Variants in PTPRD observed in about 807,000 individuals in gnomAD.
PTPRD encodes receptor-type tyrosine-protein phosphatase delta.
Under a neutral mutation model 214.5 loss-of-function variants are expected in PTPRD, and 34 were observed. That is an observed-to-expected ratio of 0.16 (90% CI 0.12 to 0.21). PTPRD has a LOEUF of 0.21. Ranked by LOEUF, PTPRD falls within the 10% of genes least tolerant of loss-of-function variation. The probability of loss-of-function intolerance (pLI) is 1.00; values close to 1 mark genes in which losing one functional copy is unlikely to be tolerated. For missense variants in PTPRD, 2,545 were observed against 2,398.7 expected, an observed-to-expected ratio of 1.06 and a Z score of -1.27; for synonymous variants, 1,128 against 845.7, an observed-to-expected ratio of 1.33 and a Z score of -5.79.
intron 7 of PTPRD, among the ~76,000 whole-genome samples, chr9:9,640,166 A>T (rs1445506920): frequency 6.6e-6 from 1 of 152,172 alleles, no homozygotes; most frequent in Non-Finnish European, 1.5e-5. Context: ...GGGCAAAATA[A>T]ATCAGAGTAC....
chr9:9,336,687 A>G (rs1229194639), intron 9 of PTPRD, among the ~76,000 whole-genome samples: 5 of 152,196 alleles, frequency 3.3e-5, no homozygotes, highest in African/African-American at 1.2e-4. Flanking sequence ...AATGATAAAT[A>G]TCTATGAGAT....
At chr9:8,337,525 C>T (rs1426406088) in intron 43 of PTPRD, among the ~76,000 whole-genome samples, 4 of 152,040 alleles carry the variant, frequency 2.6e-5, no homozygotes, top group Non-Finnish European at 5.9e-5. Flanking sequence ...TTGCACCAAA[C>T]CACCGTGGCA....
intron 39 of PTPRD, among the ~76,000 whole-genome samples, chr9:8,362,867 A>G (rs1439240503): frequency 6.6e-6 from 1 of 152,176 alleles, no homozygotes; most frequent in Non-Finnish European, 1.5e-5. Context: ...ACATTTCTAC[A>G]ATTATCATTT....
Position 9,925,996 on chromosome 9 carries a change from T to C in PTPRD, c.-368+12511A>G, listed in dbSNP as rs117464269. On this transcript the variant is annotated intron_variant, in intron 5 of 45. Coordinates refer to ENST00000381196, the MANE Select transcript of PTPRD (RefSeq NM_002839.4). ...GATGTACAGCACCATGCCTAGAAAA[T>C]TTTTTTTAAGTTTTTGTAGAAATGG... Among the ~76,000 whole-genome samples the C allele has an allele frequency of 6.6e-5, 10 of 151,484 alleles. No individual in the cohort carries two copies. The East Asian group carries it at 1.7e-3, about 26-fold the overall frequency.
intron 2 of PTPRD, among the ~76,000 whole-genome samples, chr9:10,417,950 G>A (rs1160680524): frequency 6.6e-6 from 1 of 150,846 alleles, no homozygotes; most frequent in East Asian, 2.0e-4. Flanking sequence ...TTTACACTGT[G>A]AATATATCAT....
intron 3 of PTPRD, among the ~76,000 whole-genome samples, chr9:10,142,935 C>T (rs1256978854): frequency 6.6e-6 from 1 of 151,392 alleles, no homozygotes; most frequent in African/African-American, 2.4e-5. Flanking sequence ...CCATGGAATA[C>T]TATGCAGCCA....
intron 12 of PTPRD, among the ~76,000 whole-genome samples, chr9:8,659,550 T>C (rs907306875): frequency 6.6e-6 from 1 of 152,224 alleles, no homozygotes; most frequent in Non-Finnish European, 1.5e-5. Context: ...CACTTCTAAC[T>C]TATTTTACAC....
chr9:10,554,053 T>C (rs1356492378), intron 2 of PTPRD, among the ~76,000 whole-genome samples: 1 of 152,182 alleles, frequency 6.6e-6, no homozygotes, highest in African/African-American at 2.4e-5. Flanking sequence ...TACAAGAACA[T>C]CACAAAGTTA....
At chr9:8,788,714 A>C (rs946175643) in intron 11 of PTPRD, among the ~76,000 whole-genome samples, 2 of 152,230 alleles carry the variant, frequency 1.3e-5, no homozygotes, top group Non-Finnish European at 2.9e-5. Flanking sequence ...TTTCAAGTGC[A>C]AAATCAAATT....
chr9:9,644,145 A>G (rs957762644), intron 7 of PTPRD, among the ~76,000 whole-genome samples: 1 of 152,200 alleles, frequency 6.6e-6, no homozygotes, highest in East Asian at 1.9e-4. Flanking sequence ...TTATTCATAA[A>G]AATGTTTATA....
chr9:10,085,063 T>C (rs1001106397), intron 3 of PTPRD, among the ~76,000 whole-genome samples: 17 of 152,074 alleles, frequency 1.1e-4, no homozygotes, highest in Non-Finnish European at 1.5e-4. Context: ...TATGGTGGGC[T>C]GGTACATGAA....
chr9:9,597,003 G>GT (rs2093402671), intron 7 of PTPRD, among the ~76,000 whole-genome samples: 1 of 151,984 alleles, frequency 6.6e-6, no homozygotes, highest in African/African-American at 2.4e-5. Flanking sequence ...AGACTGACAA[G>GT]TAAGTAATTG....
chr9:8,898,605 T>A (rs1373511322), intron 11 of PTPRD, among the ~76,000 whole-genome samples: 1 of 152,192 alleles, frequency 6.6e-6, no homozygotes, highest in Non-Finnish European at 1.5e-5. Context: ...TTGAGTGAGA[T>A]TTTATATTTT....
intron 3 of PTPRD, among the ~76,000 whole-genome samples, chr9:10,100,716 A>T (rs1563806086): frequency 6.6e-6 from 1 of 151,670 alleles, no homozygotes; most frequent in Non-Finnish European, 1.5e-5. Context: ...GAATGAATAT[A>T]TATTGAGCAC....
intron 11 of PTPRD, among the ~76,000 whole-genome samples, chr9:8,800,115 T>C (rs2096541489): frequency 2.0e-5 from 3 of 152,076 alleles, no homozygotes; most frequent in African/African-American, 7.2e-5. Context: ...TCATCACTTC[T>C]TCATTTCCCT....
rs139810081 is a variant in PTPRD, at chr9:9,363,511, A to G, written c.-203+33938T>C. 6.6e-5 allele frequency among the ~76,000 whole-genome samples: 10 copies of G among 151,558 alleles called. No homozygotes were observed. The East Asian group carries it at 1.9e-3, about 30-fold the overall frequency. On this transcript the variant is annotated intron_variant, in intron 9 of 45. Transcript: ENST00000381196. ...GTTAGGAAAAACCATTATGTCGATC[A>G]TAAATTGCTAGAACATTGGTGTAGT...
chr9:8,377,885 T>A (rs537159665), intron 37 of PTPRD, among the ~76,000 whole-genome samples: 1 of 152,090 alleles, frequency 6.6e-6, no homozygotes, highest in Non-Finnish European at 1.5e-5. Flanking sequence ...TAATTTTCTC[T>A]TTCACAGAGA....
intron 8 of PTPRD, among the ~76,000 whole-genome samples, chr9:9,563,181 G>T (rs1171114617): frequency 2.6e-5 from 4 of 152,142 alleles, no homozygotes; most frequent in Non-Finnish European, 4.4e-5. Flanking sequence ...GGGGCAAGGG[G>T]TGGTCAAGAT....
chr9:9,873,485 G>A (rs1175687795), intron 5 of PTPRD, among the ~76,000 whole-genome samples: 2 of 150,738 alleles, frequency 1.3e-5, no homozygotes, highest in Non-Finnish European at 3.0e-5. Flanking sequence ...TTTCTATAAG[G>A]GCAGTTAATA....
Sources: allele counts gnomAD v4.1 joint callset (sites outside exome capture counted in the v4.1 genomes callset), GRCh38; gene constraint gnomAD v4.1.1; transcripts MANE v1.5; gene names NCBI Gene and HGNC (gene_info 2026-07-23, HGNC 2026-07-21).